GLIS1: variants seen among roughly 807,000 people sequenced by gnomAD.
GLIS1 encodes GLIS family zinc finger 1, also known as zinc finger protein GLIS1.
GLIS1 carries 24 observed loss-of-function variants against 63.8 expected under a neutral mutation model. The ratio of observed to expected loss-of-function variants is 0.38; its 90% CI spans 0.27 to 0.53. GLIS1 has a LOEUF of 0.53. Among genes scored for constraint, GLIS1 ranks in the 20% least tolerant of loss-of-function variants. The pLI is 0.85. For synonymous variants in GLIS1, 450 were observed against 482.5 expected (o/e 0.93, Z 0.88); for missense variants, 1,036 against 1,074.1 (o/e 0.96, Z 0.50).
intron 2 of GLIS1, among the ~76,000 whole-genome samples, chr1:53,726,253 GCTAACAC>G (rs1184762832): frequency 6.6e-6 from 1 of 152,036 alleles, no homozygotes; most frequent in Non-Finnish European, 1.5e-5. Flanking sequence ...TAGGTCGGCA[GCTAACAC>G]CTACCAGCTC....
intron 4 of GLIS1, among the ~76,000 whole-genome samples, chr1:53,551,391 C>T (rs1644757983): frequency 6.6e-6 from 1 of 152,208 alleles, no homozygotes; most frequent in Non-Finnish European, 1.5e-5. Flanking sequence ...TGCACCCATG[C>T]CCGGGATGGA....
At chr1:53,626,619 G>A (rs957468900) in intron 2 of GLIS1, among the ~76,000 whole-genome samples, 1 of 152,232 alleles carries the variant, frequency 6.6e-6, no homozygotes, top group Non-Finnish European at 1.5e-5. Context: ...CAGGGGCTTG[G>A]TCTATTTTGA....
chr1:53,687,110 G>C (rs1429671571), intron 2 of GLIS1, among the ~76,000 whole-genome samples: 5 of 152,330 alleles, frequency 3.3e-5, no homozygotes, highest in African/African-American at 2.4e-5. Context: ...CTGGAACCCG[G>C]AATCTCCTGA....
intron 2 of GLIS1, among the ~76,000 whole-genome samples, chr1:53,626,278 A>G (rs1645593095): frequency 1.3e-5 from 2 of 152,158 alleles, no homozygotes; most frequent in Admixed American, 1.3e-4. Flanking sequence ...GACACAACCC[A>G]TAACTTCCCC....
At chr1:53,515,079 A>G (rs1051440535) in intron 7 of GLIS1, among the ~76,000 whole-genome samples, 9 of 141,992 alleles carry the variant, frequency 6.3e-5, no homozygotes, top group African/African-American at 2.1e-4. Context: ...GTGTGTGTAT[A>G]TGTGTGTGTG....
intron 4 of GLIS1, among the ~76,000 whole-genome samples, chr1:53,568,810 C>A (rs566027286): frequency 6.6e-6 from 1 of 152,204 alleles, no homozygotes; most frequent in Non-Finnish European, 1.5e-5. Flanking sequence ...CTCCCAGTCA[C>A]GCTTCCTGTT....
At chr1:53,590,728 C>A (rs1415617434) in intron 4 of GLIS1, among the ~76,000 whole-genome samples, 1 of 152,160 alleles carries the variant, frequency 6.6e-6, no homozygotes, top group Non-Finnish European at 1.5e-5. Context: ...AGAAACATAA[C>A]AGGATATTGC....
At chr1:53,577,220 C>T (rs998892314) in intron 4 of GLIS1, among the ~76,000 whole-genome samples, 1 of 152,042 alleles carries the variant, frequency 6.6e-6, no homozygotes, top group African/African-American at 2.4e-5. Context: ...CCCCTACCCC[C>T]CTGGGGCCCT....
At chr1:53,609,312 C>T (rs1321760525) in intron 2 of GLIS1, among the ~76,000 whole-genome samples, 7 of 108,940 alleles carry the variant, frequency 6.4e-5, no homozygotes, top group East Asian at 3.1e-4. Flanking sequence ...CTCACTCTGT[C>T]GCCCAGGCTG....
At chr1:53,545,761 A>T (rs1226744512) in intron 4 of GLIS1, among the ~76,000 whole-genome samples, 1 of 152,242 alleles carries the variant, frequency 6.6e-6, no homozygotes, top group Non-Finnish European at 1.5e-5. Flanking sequence ...TACAGTGGGC[A>T]GCGTCATACT....
In GLIS1 at chr1:53,506,556, C is replaced by T. The variant is rs774774873; in HGVS notation, c.*63G>A. On this transcript the variant is annotated 3_prime_UTR_variant, in exon 11 of 11. Coordinates refer to ENST00000628545, the MANE Select transcript of GLIS1 (RefSeq NM_001367484.1). ...CTGCTAGGTGCACGGAGGGTGGGAG[C>T]GACAGCAGGTGGGCGAGGTGGCATC... The T allele has an allele frequency of 3.1e-5, 47 of 1,536,362 alleles. No individual in the cohort carries two copies. The highest frequency in any genetic ancestry group is 3.4e-5 in the Admixed American group (2 of 58,948).
Position 53,569,441 on chromosome 1 carries a change from C to T in GLIS1, c.1320+24667G>A, listed in dbSNP as rs559535849. ...CCATGTACCTTCCACTCTGTTTTGC[C>T]GTGAACCTAAAACTGCTCTAAAAAA... On this transcript the variant is annotated intron_variant, in intron 4 of 10. Transcript: ENST00000628545. 1.9e-4 allele frequency among the ~76,000 whole-genome samples: 29 copies of T among 151,664 alleles called. No homozygotes were observed. In the East Asian group the frequency reaches 4.5e-3, roughly 23 times the overall value.
chr1:53,510,380 T>C (rs6685900), intron 8 of GLIS1, among the ~76,000 whole-genome samples: 9,727 of 152,292 alleles, frequency 0.064, 998 homozygotes, highest in African/African-American at 0.22. Context: ...GACGGGCTGC[T>C]GGCTCACCAC....
At chr1:53,516,312 C>T (rs1392667019) in intron 7 of GLIS1, among the ~76,000 whole-genome samples, 1 of 152,186 alleles carries the variant, frequency 6.6e-6, no homozygotes, top group Non-Finnish European at 1.5e-5. Context: ...GTTGGGGTTC[C>T]CAGGCTAGCT....
At chr1:53,586,266 G>A (rs1645133852) in intron 4 of GLIS1, among the ~76,000 whole-genome samples, 1 of 150,930 alleles carries the variant, frequency 6.6e-6, no homozygotes, top group African/African-American at 2.4e-5. Flanking sequence ...CTCAAGAGAA[G>A]AAAGGACATT....
At chr1:53,698,284 AAGG>A (rs1646487752) in intron 2 of GLIS1, among the ~76,000 whole-genome samples, 1 of 152,170 alleles carries the variant, frequency 6.6e-6, no homozygotes, top group Non-Finnish European at 1.5e-5. Context: ...GATGACGCAG[AAGG>A]AGTTCCAGGC....
intron 6 of GLIS1, 29 bp from the exon 7 acceptor site, chr1:53,520,795 G>C (rs1289178223): frequency 6.3e-7 from 1 of 1,581,504 alleles, no homozygotes; most frequent in Non-Finnish European, 8.6e-7. Context: ...GAAAGGAGGT[G>C]TTAGTGTGAG....
intron 2 of GLIS1, among the ~76,000 whole-genome samples, chr1:53,663,569 G>A (rs569753994): frequency 3.0e-4 from 45 of 152,336 alleles, no homozygotes; most frequent in Non-Finnish European, 4.6e-4. Context: ...GCTGGGCTCC[G>A]TGACCCTGCC....
chr1:53,729,549 T>TA (rs1646839081), intron 2 of GLIS1, among the ~76,000 whole-genome samples: 2 of 141,470 alleles, frequency 1.4e-5, no homozygotes, highest in Non-Finnish European at 3.0e-5. Flanking sequence ...TTCCTGCTGT[T>TA]ATTTCAGCCT....
Sources: gnomAD v4.1 joint callset for allele counts (sites outside exome capture counted in the v4.1 genomes callset) on GRCh38, gnomAD v4.1.1 for gene constraint, MANE v1.5 for transcripts, NCBI Gene and HGNC (gene_info 2026-07-23, HGNC 2026-07-21) for gene names.